The following SCRN1 variants were observed in gnomAD, a reference collection of about 807,000 sequenced individuals.
The protein encoded by SCRN1 is secernin 1.
In SCRN1, 19 loss-of-function variants were observed where a neutral mutation model predicts 43.3. That is an observed-to-expected ratio of 0.44 (90% CI 0.31 to 0.64). The LOEUF (loss-of-function observed/expected upper bound fraction) is 0.64. SCRN1 is among the 30% of genes least tolerant of loss of function. The pLI, the probability that SCRN1 is intolerant of heterozygous loss-of-function variation, is 0.09. For missense variants in SCRN1, 447 were observed against 524.1 expected (o/e 0.85, Z 1.44); for synonymous variants, 183 against 188.9 (o/e 0.97, Z 0.26).
intron 3 of SCRN1, among the ~76,000 whole-genome samples, chr7:29,948,033 A>G (rs1167925981): frequency 1.3e-5 from 2 of 152,240 alleles, no homozygotes; most frequent in East Asian, 3.8e-4. Flanking sequence ...TATGTTTGTT[A>G]TAGCAGCCCA....
At chr7:29,945,545 T>C (rs1236357154) in intron 3 of SCRN1, among the ~76,000 whole-genome samples, 2 of 152,184 alleles carry the variant, frequency 1.3e-5, no homozygotes, top group South Asian at 2.1e-4. Context: ...AGTAGGTTTA[T>C]GAGATAACAT....
Position 29,965,530 on chromosome 7 carries a change from C to T in SCRN1, c.159+3379G>A, listed in dbSNP as rs994442805. Among the ~76,000 whole-genome samples the T allele has an allele frequency of 1.3e-5, 2 of 152,072 alleles. No individual in the cohort carries two copies. Among genetic ancestry groups the T allele is most frequent in the Admixed American group, 6.5e-5 (1 of 15,272 alleles). On this transcript the variant is annotated intron_variant, in intron 2 of 7. Transcript: ENST00000242059. This position sits in a 1 kb window ranked among gnomAD's most constrained non-coding sequence, Gnocchi z 4.2. ...TCCCGTGGGCTTCTAGTATAAACTACGTGGCCGACAATGCATATGTTGTTA... is the reference window on the plus strand; with the variant it reads ...TCCCGTGGGCTTCTAGTATAAACTATGTGGCCGACAATGCATATGTTGTTA...
intron 3 of SCRN1, among the ~76,000 whole-genome samples, chr7:29,953,412 G>C (rs1338142630): frequency 1.3e-5 from 2 of 151,906 alleles, no homozygotes; most frequent in African/African-American, 4.8e-5. Flanking sequence ...CTGAAGAAAG[G>C]CAAAAAATCC....
chr7:29,923,713 T>C lies in SCRN1; in HGVS notation c.*244A>G. 2.4e-6 allele frequency: 1 copy of C among 410,486 alleles called. No homozygotes were observed. The highest frequency in any genetic ancestry group is 4.3e-5 in the East Asian group (1 of 23,096). The allele number at this position is 410,486 out of a possible 1,614,324, so 25.4% of individuals were successfully genotyped here. On this transcript the variant is annotated 3_prime_UTR_variant, in exon 8 of 8. Transcript: ENST00000242059. ...ATAATAGCAGCTTAAAATCCACAAT[T>C]AGTCACACAACCGAACAACAGGCAA... is the stretch of plus-strand genomic sequence containing the variant.
At chr7:29,949,228 T>C (rs1787834376) in intron 3 of SCRN1, among the ~76,000 whole-genome samples, 1 of 150,552 alleles carries the variant, frequency 6.6e-6, no homozygotes, top group Non-Finnish European at 1.5e-5. Flanking sequence ...GGCAGGAGAA[T>C]GGCGTGAACC....
intron 2 of SCRN1, among the ~76,000 whole-genome samples, chr7:29,961,168 A>C (rs1357555403): frequency 2.1e-5 from 3 of 141,754 alleles, no homozygotes; most frequent in South Asian, 2.4e-4. Context: ...GTCAGCAGAT[A>C]AACAAGTGAA....
chr7:29,984,850 C>A (rs923039546), intron 1 of SCRN1, among the ~76,000 whole-genome samples: 2 of 135,216 alleles, frequency 1.5e-5, no homozygotes, highest in Non-Finnish European at 3.2e-5. Context: ...GAACCTGGGG[C>A]AGAGGTTGCA....
Position 29,926,579 on chromosome 7 carries a change from G to A in SCRN1, c.959C>T (p.Thr320Ile). The A allele has an allele frequency of 3.1e-6, 5 of 1,614,142 alleles. No individual in the cohort carries two copies. Among genetic ancestry groups the A allele is most frequent in the Non-Finnish European group, 4.2e-6 (5 of 1,180,022 alleles). ...GTCATCCCCAAAACAGGGAGACTGT[G>A]TTTTGGGGACAAGTTTTACGTCATC... Reference protein sequence around the residue: ...FVDDVKLVPKTQSPCFGDDDP... With the variant: ...FVDDVKLVPKIQSPCFGDDDP... The change falls in exon 7 of 8, where the codon ACA becomes ATA. Residue 320 changes from threonine (T) to isoleucine (I), a missense_variant. Thr to Ile is a moderately conservative substitution (Grantham distance 89). Coordinates refer to ENST00000242059, the MANE Select transcript of SCRN1 (RefSeq NM_014766.5).
intron 6 of SCRN1, among the ~76,000 whole-genome samples, chr7:29,931,003 G>A (rs1354985552): frequency 6.6e-6 from 1 of 152,188 alleles, no homozygotes; most frequent in Non-Finnish European, 1.5e-5. Flanking sequence ...CCCATGACAC[G>A]ACGCACAGCG....
chr7:29,968,912 A>C lies in SCRN1; in HGVS notation c.156T>G (p.Val52=). Residue 52 remains valine (V), a synonymous_variant, in exon 2 of 8, where the codon GTT becomes GTG. Coordinates refer to ENST00000242059, the MANE Select transcript of SCRN1 (RefSeq NM_014766.5). ...SAADHEPESK[V]ECTYISIDQV... ...GAGACTGCAATGCACGGCTTACCTC[A>C]ACCTTGCTCTCCGGTTCGTGATCAG... 6.2e-7 allele frequency: 1 copy of C among 1,614,174 alleles called. No homozygotes were observed.
intron 2 of SCRN1, among the ~76,000 whole-genome samples, chr7:29,962,890 T>C (rs1788372811): frequency 1.3e-5 from 2 of 152,054 alleles, no homozygotes; most frequent in Non-Finnish European, 2.9e-5. Context: ...ATTCTGTACT[T>C]GGTACAAGTA....
intron 1 of SCRN1, among the ~76,000 whole-genome samples, chr7:29,972,717 T>A (rs1222551034): frequency 6.6e-6 from 1 of 152,244 alleles, no homozygotes; most frequent in Non-Finnish European, 1.5e-5. Flanking sequence ...TCACCATGTG[T>A]GCACTGACTA....
chr7:29,973,599 G>T (rs960104983), intron 1 of SCRN1, among the ~76,000 whole-genome samples: 3 of 148,812 alleles, frequency 2.0e-5, no homozygotes, highest in African/African-American at 7.3e-5. Flanking sequence ...AGCCTTGAAG[G>T]TCACATCAAG....
At chr7:29,947,358 C>CTT in intron 3 of SCRN1, 3 of 1,544,616 alleles carry the variant, frequency 1.9e-6, no homozygotes, top group Non-Finnish European at 2.6e-6. Context: ...ACTTCTCCTG[C>CTT]TTAAAGCCCG....
chr7:29,977,275 G>A (rs560289913), intron 1 of SCRN1, among the ~76,000 whole-genome samples: 5 of 152,296 alleles, frequency 3.3e-5, no homozygotes, highest in African/African-American at 1.2e-4. Context: ...TGAGCAGACT[G>A]AATACATTTA....
upstream of SCRN1, chr7:29,990,004 G>C: frequency 7.0e-7 from 1 of 1,429,554 alleles, no homozygotes; most frequent in Non-Finnish European, 9.1e-7. Context: ...TCTCGCCGCA[G>C]AAAGTGGCCC....
chr7:29,933,023 T>C (rs1562802891), intron 6 of SCRN1, among the ~76,000 whole-genome samples: 1 of 152,038 alleles, frequency 6.6e-6, no homozygotes, highest in Non-Finnish European at 1.5e-5. Context: ...ATTACAGGCG[T>C]GCACCACCAC....
rs35849579 is a variant in SCRN1, at chr7:29,982,937, C to G, written c.-2+6705G>C. On this transcript the variant is annotated intron_variant, in intron 1 of 7. Transcript: ENST00000242059. ...CACCACAATCTCCACCTCCCGGGTT[C>G]AAGCAATTCTCTTGCCTCAGCCTCC... Among the ~76,000 whole-genome samples the G allele has an allele frequency of 5.3e-3, 801 of 151,892 alleles. 4 individuals are homozygous for G. The highest frequency in any genetic ancestry group is 9.0e-3 in the Non-Finnish European group (610 of 67,974).
chr7:29,970,988 T>C (rs1018388162), intron 1 of SCRN1, among the ~76,000 whole-genome samples: 3 of 152,308 alleles, frequency 2.0e-5, no homozygotes, highest in African/African-American at 2.4e-5. Flanking sequence ...CATCCAACCA[T>C]AGTAGCCCTT....
Sources: gnomAD v4.1 joint callset for allele counts (sites outside exome capture counted in the v4.1 genomes callset) on GRCh38, gnomAD v4.1.1 for gene constraint, Gnocchi (gnomAD v3.1) non-coding constraint, MANE v1.5 for transcripts, NCBI Gene and HGNC (gene_info 2026-07-23, HGNC 2026-07-21) for gene names.